ATP8B4: variants seen among roughly 807,000 people sequenced by gnomAD.
ATP8B4 encodes probable phospholipid-transporting ATPase IM.
A neutral mutation model predicts 145.6 loss-of-function variants in ATP8B4; 133 were observed. The observed-to-expected ratio is 0.91, with a 90% CI of 0.79 to 1.05. The LOEUF (loss-of-function observed/expected upper bound fraction) is 1.05. ATP8B4 is among the 50% of genes least tolerant of loss of function. The pLI is 0.00. For missense variants in ATP8B4, 1,458 were observed against 1,425.2 expected (o/e 1.02, Z -0.37); for synonymous variants, 507 against 492.9 (o/e 1.03, Z -0.38).
intron 1 of ATP8B4, among the ~76,000 whole-genome samples, chr15:50,162,028 T>C (rs968074129): frequency 1.3e-5 from 2 of 152,184 alleles, no homozygotes; most frequent in African/African-American, 2.4e-5. Context: ...ATATTTTCAC[T>C]GGATATACTA....
chr15:49,890,106 G>C (rs922487314), intron 23 of ATP8B4, among the ~76,000 whole-genome samples: 3 of 152,206 alleles, frequency 2.0e-5, no homozygotes, highest in Admixed American at 2.0e-4. Context: ...GGTTCCTTGA[G>C]GGTAGGAACA....
chr15:50,033,317 G>A (rs1251472120), intron 6 of ATP8B4, among the ~76,000 whole-genome samples: 5 of 152,170 alleles, frequency 3.3e-5, no homozygotes, highest in Admixed American at 3.3e-4. Context: ...AAGTGTCAGG[G>A]AAATATCCCG....
intron 6 of ATP8B4, among the ~76,000 whole-genome samples, chr15:50,030,965 G>A (rs2050388654): frequency 6.6e-6 from 1 of 152,140 alleles, no homozygotes; most frequent in Non-Finnish European, 1.5e-5. Context: ...ACAGAAACCA[G>A]CCCATTGGCA....
intron 6 of ATP8B4, among the ~76,000 whole-genome samples, chr15:50,025,403 C>A (rs972571297): frequency 6.6e-6 from 1 of 152,188 alleles, no homozygotes; most frequent in African/African-American, 2.4e-5. Flanking sequence ...CTTCTCTCCG[C>A]CTTATTCTCT....
intron 9 of ATP8B4, among the ~76,000 whole-genome samples, chr15:49,989,927 A>G (rs2046921114): frequency 6.6e-6 from 1 of 152,164 alleles, no homozygotes; most frequent in Admixed American, 6.5e-5. Flanking sequence ...TACTATCTAC[A>G]TAATAGGATC....
chr15:49,992,584 C>T (rs1429804748), intron 9 of ATP8B4, among the ~76,000 whole-genome samples: 3 of 152,076 alleles, frequency 2.0e-5, no homozygotes, highest in Admixed American at 1.3e-4. Flanking sequence ...CCTATGTGTC[C>T]GAAACCTGGA....
chr15:49,955,931 A>G (rs1411038403), intron 14 of ATP8B4, among the ~76,000 whole-genome samples: 1 of 152,210 alleles, frequency 6.6e-6, no homozygotes, highest in East Asian at 1.9e-4. Context: ...ATTAAAAAAA[A>G]TTCTACAGAT....
At chr15:49,952,669 A>G (rs928330144) in intron 14 of ATP8B4, among the ~76,000 whole-genome samples, 1 of 151,926 alleles carries the variant, frequency 6.6e-6, no homozygotes, top group African/African-American at 2.4e-5. Context: ...ATAGTTTTTT[A>G]TTACCCATTT....
chr15:50,010,556 T>C (rs924884105), intron 7 of ATP8B4, among the ~76,000 whole-genome samples: 6 of 152,118 alleles, frequency 3.9e-5, no homozygotes, highest in Non-Finnish European at 5.9e-5. Flanking sequence ...AAAACTCTTA[T>C]TTACATCAAA....
At chr15:49,887,285 C>T (rs1323735131) in intron 23 of ATP8B4, among the ~76,000 whole-genome samples, 1 of 151,962 alleles carries the variant, frequency 6.6e-6, no homozygotes, top group East Asian at 1.9e-4. Flanking sequence ...GGCACATGAG[C>T]CCAGATCAAC....
rs571857333 is a variant in ATP8B4 at position 50,130,552 on chromosome 15, G to A, written c.-42-23544C>T. Reference sequence around the variant, plus strand: ...GGCAGTTTGGGAGGCTGAGGCGAGCGGATCACAAGGTCAGGAGATCGAGAC... The same window carrying A: ...GGCAGTTTGGGAGGCTGAGGCGAGCAGATCACAAGGTCAGGAGATCGAGAC... On this transcript the variant is annotated intron_variant, in intron 1 of 3. Transcript: ENST00000558829. Among the ~76,000 whole-genome samples, 13 of 152,010 alleles carry A rather than the reference G, an allele frequency of 8.6e-5. No individual in the cohort carries two copies. The South Asian group carries it at 1.9e-3, about 22-fold the overall frequency.
rs558017692 is a variant in ATP8B4 at position 49,873,035 on chromosome 15, A to G, written c.3027+3243T>C. ...CAAATTTAAAATTATTCCGAAATTA[A>G]AAGTTTTTTAAAGAAATTATTCCTG... On this transcript the variant is annotated intron_variant, in intron 25 of 27. Transcript: ENST00000284509. Among the ~76,000 whole-genome samples, 32 of 152,372 alleles carry G rather than the reference A, an allele frequency of 2.1e-4. No homozygotes were observed. In the Middle Eastern group the frequency reaches 0.01, roughly 49 times the overall value.
rs561932227 is a variant in ATP8B4, at chr15:49,930,560, G to T, written c.1642+559C>A. 2.6e-5 allele frequency among the ~76,000 whole-genome samples: 4 copies of T among 152,180 alleles called. No individual in the cohort carries two copies. In the South Asian group the frequency reaches 6.2e-4, roughly 24 times the overall value. On this transcript the variant is annotated intron_variant, in intron 16 of 27. Coordinates refer to ENST00000284509, the MANE Select transcript of ATP8B4 (RefSeq NM_024837.4). ...GTGGACAGAGAAAATGAATGATAAT[G>T]AGGAGGCTGAGGACGATGTTCACAA...
At chr15:49,972,492 G>A in intron 13 of ATP8B4, 90 bp downstream of exon 13, 1 of 1,280,176 alleles carries the variant, frequency 7.8e-7, no homozygotes, top group South Asian at 1.4e-5. Flanking sequence ...GCCAGCGACT[G>A]TTTTGGATTT....
chr15:49,951,051 G>A (rs1198443246), intron 14 of ATP8B4, among the ~76,000 whole-genome samples: 1 of 147,430 alleles, frequency 6.8e-6, no homozygotes, highest in African/African-American at 2.4e-5. Context: ...TTGCACTGTG[G>A]TCTGAGAGAC....
chr15:50,002,121 C>G, intron 8 of ATP8B4, 32 bp downstream of exon 8: 1 of 1,542,216 alleles, frequency 6.5e-7, no homozygotes, highest in Non-Finnish European at 8.9e-7. Flanking sequence ...AAATTAAAAA[C>G]CAACCAAATT....
rs78553619 is a variant in ATP8B4 at position 49,981,099 on chromosome 15, A to G, written c.837+107T>C. 1,622 of 952,738 alleles carry G rather than the reference A, an allele frequency of 1.7e-3. 33 individuals carry two copies. The East Asian group carries it at 0.028, about 17-fold the overall frequency. The allele number at this position is 952,738 out of a possible 1,614,324, so 59.0% of individuals were successfully genotyped here. On this transcript the variant is annotated intron_variant, in intron 11 of 27. Coordinates refer to ENST00000284509, the MANE Select transcript of ATP8B4 (RefSeq NM_024837.4). Reference sequence around the variant, plus strand: ...AGCCTCAAATGCAAAATCCCCAAAAACAAACTCCACAAGGAGAATGTAGGC... The same window carrying G: ...AGCCTCAAATGCAAAATCCCCAAAAGCAAACTCCACAAGGAGAATGTAGGC...
At chr15:50,060,712 G>A (rs2052948141) in intron 3 of ATP8B4, among the ~76,000 whole-genome samples, 1 of 152,092 alleles carries the variant, frequency 6.6e-6, no homozygotes, top group Admixed American at 6.6e-5. Context: ...AATCAGTTCA[G>A]AACTTCTGAA....
intron 20 of ATP8B4, among the ~76,000 whole-genome samples, chr15:49,905,766 T>C (rs576447415): frequency 2.0e-5 from 3 of 152,330 alleles, no homozygotes; most frequent in East Asian, 3.9e-4. Context: ...TTTTTTCTAA[T>C]TGTAAAAGCA....
Sources: gnomAD v4.1 joint callset for allele counts (sites outside exome capture counted in the v4.1 genomes callset) on GRCh38, gnomAD v4.1.1 for gene constraint, MANE v1.5 for transcripts, NCBI Gene and HGNC (gene_info 2026-07-23, HGNC 2026-07-21) for gene names.